The following LPP variants were observed in gnomAD, a reference collection of about 807,000 sequenced individuals.
LPP encodes LIM domain containing preferred translocation partner in lipoma.
In LPP, 38 loss-of-function variants were observed where a neutral mutation model predicts 60.4. The ratio of observed to expected loss-of-function variants is 0.63; its 90% confidence interval spans 0.49 to 0.83. The LOEUF (loss-of-function observed/expected upper bound fraction) is 0.83, where lower values mean the gene tolerates loss of function less well. Among genes scored for constraint, LPP ranks in the 40% least tolerant of loss-of-function variants. The pLI is 0.00. For synonymous variants in LPP, 328 were observed against 290.8 expected (o/e 1.13, Z -1.30); for missense variants, 902 against 783.6 (o/e 1.15, Z -1.80).
intron 8 of LPP, chr3:188,710,729 T>C (rs1198864243): frequency 6.6e-6 from 1 of 151,706 alleles, no homozygotes; most frequent in Non-Finnish European, 1.5e-5. Flanking sequence ...GTATATATGC[T>C]TCAAATATCA....
chr3:188,499,573 G>T (rs1438381252), intron 5 of LPP, among the ~76,000 whole-genome samples: 2 of 152,024 alleles, frequency 1.3e-5, no homozygotes, highest in Non-Finnish European at 2.9e-5. Flanking sequence ...TTTTACTCAG[G>T]ATTGTTCTGC....
intron 7 of LPP, among the ~76,000 whole-genome samples, chr3:188,676,999 C>A (rs1858275688): frequency 6.8e-6 from 1 of 147,414 alleles, no homozygotes; most frequent in African/African-American, 2.7e-5. Flanking sequence ...GTGAGGGCAC[C>A]TAGTAGCTGA....
Position 188,352,072 on chromosome 3 carries a change from T to C in LPP, c.-10+10353T>C, listed in dbSNP as rs1319024908. On this transcript the variant is annotated intron_variant, in intron 3 of 11. Coordinates refer to ENST00000617246, the MANE Select transcript of LPP (RefSeq NM_001375462.1). This position sits in a 1 kb window ranked among gnomAD's most constrained non-coding sequence, Gnocchi z 4.4. ...TCCCCCCTTGTCATTTTTCTTCTAT[T>C]ACTTTTGCTTCTTCCCCTTCCTCCT... Among the ~76,000 whole-genome samples, 4 of 152,212 alleles carry C rather than the reference T, an allele frequency of 2.6e-5. No homozygotes were observed. The highest frequency in any genetic ancestry group is 4.8e-5 in the African/African-American group (2 of 41,440).
At chr3:188,299,886 G>C (rs1749182639) in intron 2 of LPP, among the ~76,000 whole-genome samples, 1 of 152,186 alleles carries the variant, frequency 6.6e-6, no homozygotes, top group African/African-American at 2.4e-5. Context: ...TCTGTCTCTG[G>C]AGATCATCAT....
intron 1 of LPP, among the ~76,000 whole-genome samples, chr3:188,214,022 G>A (rs187386377): frequency 2.3e-4 from 31 of 132,042 alleles, no homozygotes; most frequent in African/African-American, 6.8e-4. Context: ...TACCAAAGCA[G>A]GATAGAGACC....
In LPP at chr3:188,880,034, C is replaced by CTTTTTTTT. The variant is rs71169024; in HGVS notation, c.*5562_*5569dup. On this transcript the variant is annotated 3_prime_UTR_variant, in exon 12 of 12. Coordinates refer to ENST00000617246, the MANE Select transcript of LPP (RefSeq NM_001375462.1). ...AAAGATGCGTTTTTTTTCTTTTTTT[C>CTTTTTTTT]TTTTTTTTTTTTTTGAGACGGAGTC... 2.1e-5 allele frequency: 3 copies of CTTTTTTTT among 144,320 alleles called. No homozygotes were observed. Among genetic ancestry groups the CTTTTTTTT allele is most frequent in the Non-Finnish European group, 2.9e-5 (2 of 69,080 alleles). The allele number at this position is 144,320 out of a possible 1,614,324, so 8.9% of individuals were successfully genotyped here.
intron 2 of LPP, among the ~76,000 whole-genome samples, chr3:188,317,793 G>GAA (rs60864707): frequency 2.0e-5 from 3 of 151,814 alleles, no homozygotes; most frequent in African/African-American, 4.8e-5. Flanking sequence ...GAATTGGGGG[G>GAA]AAAAATGAAG....
At chr3:188,244,628 C>A (rs1162132565) in intron 2 of LPP, among the ~76,000 whole-genome samples, 1 of 152,180 alleles carries the variant, frequency 6.6e-6, no homozygotes, top group African/African-American at 2.4e-5. Context: ...CTATTAGACG[C>A]TTTATTCATT....
At chr3:188,617,137 A>C (rs1328057141) in intron 7 of LPP, among the ~76,000 whole-genome samples, 1 of 152,182 alleles carries the variant, frequency 6.6e-6, no homozygotes, top group African/African-American at 2.4e-5. Context: ...TAAAGGAAAT[A>C]AGTTGGAAAA....
intron 9 of LPP, among the ~76,000 whole-genome samples, chr3:188,862,712 CAAAAAAATAAATAAATAAATAAAT>C (rs1765484349): frequency 1.8e-5 from 1 of 55,662 alleles, no homozygotes; most frequent in African/African-American, 6.8e-5. Context: ...CCCTACTAGA[CAAAAAAATAAATAAATAAATAAAT>C]AAAAGAAAAA....
intron 5 of LPP, among the ~76,000 whole-genome samples, chr3:188,497,716 T>C (rs938021739): frequency 6.6e-6 from 1 of 152,216 alleles, no homozygotes; most frequent in Non-Finnish European, 1.5e-5. Context: ...AGTTTTTCAC[T>C]GTGCATGTTC....
At chr3:188,818,008 GCAGAAT>G (rs1752936339) in intron 9 of LPP, among the ~76,000 whole-genome samples, 1 of 152,190 alleles carries the variant, frequency 6.6e-6, no homozygotes, top group African/African-American at 2.4e-5. Flanking sequence ...GCAAGCATGA[GCAGAAT>G]CTCTCCTCTC....
chr3:188,254,864 A>G (rs1731125439), intron 2 of LPP, among the ~76,000 whole-genome samples: 1 of 152,148 alleles, frequency 6.6e-6, no homozygotes, highest in Non-Finnish European at 1.5e-5. Flanking sequence ...CTAAATATTT[A>G]CACTCCTGGA....
At chr3:188,795,178 T>C (rs1186504152) in intron 9 of LPP, among the ~76,000 whole-genome samples, 2 of 152,126 alleles carry the variant, frequency 1.3e-5, no homozygotes, top group Admixed American at 6.6e-5. Flanking sequence ...ATTTGATTAA[T>C]GAAATCTACC....
chr3:188,596,549 AC>A (rs1840015937), intron 6 of LPP, among the ~76,000 whole-genome samples: 1 of 152,158 alleles, frequency 6.6e-6, no homozygotes, highest in Non-Finnish European at 1.5e-5. Flanking sequence ...CTACAGTGTA[AC>A]TGATACACAT....
intron 9 of LPP, among the ~76,000 whole-genome samples, chr3:188,861,180 A>G (rs1027902456): frequency 8.5e-5 from 13 of 152,180 alleles, no homozygotes; most frequent in African/African-American, 2.9e-4. Context: ...TGAATGGCCA[A>G]GTAAAAGAAG....
chr3:188,873,374 G>GT (rs1768668303), intron 11 of LPP, among the ~76,000 whole-genome samples: 1 of 152,198 alleles, frequency 6.6e-6, no homozygotes. Context: ...CAGAGGCGAG[G>GT]TTCATAGCTG....
intron 5 of LPP, among the ~76,000 whole-genome samples, chr3:188,502,837 T>A (rs1812302917): frequency 6.6e-6 from 1 of 152,156 alleles, no homozygotes. Context: ...AAAGCTTATT[T>A]TATAATAAAG....
rs1383097716 is a variant in LPP, at chr3:188,313,457, T to C, written c.-66-28206T>C. ...AAGTTCAAGACCAGCCTGGCCAACA[T>C]GGTGAAACCCTATCTACTAAGAATA... On this transcript the variant is annotated intron_variant, in intron 2 of 11. Transcript: ENST00000617246. Among the ~76,000 whole-genome samples the C allele has an allele frequency of 3.3e-5, 5 of 151,984 alleles. No individual in the cohort carries two copies. The East Asian group carries it at 9.7e-4, about 29-fold the overall frequency.
Sources: allele counts gnomAD v4.1 joint callset (sites outside exome capture counted in the v4.1 genomes callset), GRCh38; gene constraint gnomAD v4.1.1; non-coding constraint Gnocchi (gnomAD v3.1); transcripts MANE v1.5; gene names NCBI Gene and HGNC (gene_info 2026-07-23, HGNC 2026-07-21).